Variants in HLA-DQA1 observed in about 807,000 individuals in gnomAD.
HLA-DQA1 encodes the protein HLA class II histocompatibility antigen, DQ alpha 1 chain.
A neutral mutation model predicts 20.7 loss-of-function variants in HLA-DQA1; 10 were observed. The ratio of observed to expected loss-of-function variants is 0.48; its 90% confidence interval spans 0.30 to 0.82. The LOEUF is 0.82. Ranked by LOEUF, HLA-DQA1 falls within the 40% of genes least tolerant of loss-of-function variation. The pLI is 0.07. For missense variants in HLA-DQA1, 127 were observed against 293.0 expected, an observed-to-expected ratio of 0.43 and a Z score of 4.14; for synonymous variants, 39 against 109.2, an observed-to-expected ratio of 0.36 and a Z score of 4.01.
At chr6:32,654,409 T>C in the HLA-DQA1 span, among the ~76,000 whole-genome samples, 37,812 of 92,720 alleles carry the variant, frequency 0.41, 9,480 homozygotes, top group Middle Eastern at 0.59. Context: ...TCAGCATCCA[T>C]GAGAGATTGG....
At chr6:32,640,557 GAAAAA>G (rs75874670) in intron 1 of HLA-DQA1, among the ~76,000 whole-genome samples, 3,971 of 71,222 alleles carry the variant, frequency 0.056, 494 homozygotes, top group East Asian at 0.18. Context: ...TCCTTCACAG[GAAAAA>G]AAAAAAAAAG....
downstream of HLA-DQA1, among the ~76,000 whole-genome samples, chr6:32,647,707 A>T (rs1162161086): frequency 6.6e-6 from 1 of 152,170 alleles, no homozygotes; most frequent in Non-Finnish European, 1.5e-5. Flanking sequence ...TGCAACTCTA[A>T]AGAATGTGTA....
chr6:32,652,710 T>G, the HLA-DQA1 span, among the ~76,000 whole-genome samples: 58,362 of 135,102 alleles, frequency 0.43, 13,654 homozygotes, highest in Middle Eastern at 0.53. Flanking sequence ...AAGCATAAAG[T>G]GGAGGGGAAA....
At chr6:32,654,582 A>G in the HLA-DQA1 span, among the ~76,000 whole-genome samples, 62,425 of 92,116 alleles carry the variant, frequency 0.68, 28,023 homozygotes, top group Middle Eastern at 0.78. Context: ...GTAAATAGTT[A>G]TTATACTGTA....
the HLA-DQA1 span, among the ~76,000 whole-genome samples, chr6:32,655,214 G>A: frequency 0.017 from 2,213 of 130,728 alleles, 170 homozygotes; most frequent in South Asian, 0.18. Context: ...AAATTTTTTC[G>A]AAGTGTAACA....
chr6:32,641,202 A>AG (rs200939493), intron 1 of HLA-DQA1, 108 bp from the exon 2 acceptor site: 106,122 of 727,922 alleles, frequency 0.15, 27,011 homozygotes, highest in Admixed American at 0.28. Flanking sequence ...ACTGTGCCAA[A>AG]AAATGAAGCC....
rs115976249 is a variant in HLA-DQA1 at position 32,640,236 on chromosome 6, G to C, written c.83-1074G>C. ...GAACTTACTACAGTACATTGTATCT[G>C]TTCCCTTACCTACCTGACTCTTCCA... On this transcript the variant is annotated intron_variant, in intron 1 of 4. Transcript: ENST00000343139. 4.1e-5 allele frequency among the ~76,000 whole-genome samples: 4 copies of C among 97,626 alleles called. 2 individuals are homozygous for C. 64.0% of individuals were successfully genotyped at this position (97,626 alleles called of 152,430 possible).
chr6:32,642,424 T>A (rs116022266), intron 3 of HLA-DQA1, 171 bp downstream of exon 3: 71,255 of 513,382 alleles, frequency 0.14, 21,354 homozygotes, highest in Admixed American at 0.25. Flanking sequence ...TTATTGAAAA[T>A]GAAAGTACAC....
downstream of HLA-DQA1, among the ~76,000 whole-genome samples, chr6:32,651,076 G>A (rs1389258266): frequency 2.4e-5 from 2 of 82,154 alleles, 1 homozygote; most frequent in Non-Finnish European, 5.2e-5. Flanking sequence ...TTTTAGTAGA[G>A]ACGGGGTTTC....
chr6:32,641,809 A>G (rs28383460), intron 2 of HLA-DQA1, among the ~76,000 whole-genome samples, 163 bp from the exon 3 acceptor site: 9,474 of 100,706 alleles, frequency 0.094, 906 homozygotes, highest in South Asian at 0.12. Flanking sequence ...GGGCACAGGA[A>G]TAAAGCAGAG....
At chr6:32,638,033 G>T in intron 1 of HLA-DQA1, among the ~76,000 whole-genome samples, 1 of 129,666 alleles carries the variant, frequency 7.7e-6, no homozygotes, top group African/African-American at 2.9e-5. Context: ...ATGGGAACTG[G>T]CACAGGTGGG....
At chr6:32,638,719 A>AGAAG in intron 1 of HLA-DQA1, among the ~76,000 whole-genome samples, 1 of 60,050 alleles carries the variant, frequency 1.7e-5, no homozygotes, top group South Asian at 4.7e-4. Flanking sequence ...GGAAGGAAGG[A>AGAAG]GAAGGAAGGA....
chr6:32,649,252 T>G (rs1782092039), downstream of HLA-DQA1, among the ~76,000 whole-genome samples: 1 of 97,378 alleles, frequency 1.0e-5, no homozygotes, highest in Non-Finnish European at 2.3e-5. Context: ...AAGCTACCAG[T>G]GACTTTCTTC....
rs9272426 is a variant in HLA-DQA1 at position 32,637,412 on chromosome 6, A to G, written c.-47A>G. 0.056 allele frequency: 42,833 copies of G among 771,592 alleles called. 4,612 individuals carry two copies. The highest frequency in any genetic ancestry group is 0.15 in the Admixed American group (3,657 of 24,526). The allele number at this position is 771,592 out of a possible 1,614,324, so 47.8% of individuals were successfully genotyped here. On this transcript the variant is annotated 5_prime_UTR_variant, in exon 1 of 5. Transcript: ENST00000343139. Reference sequence around the variant, plus strand: ...TCCTTGTCTTGAGGTCCTCACAATTACTCTACAGCTCAGAACACCAACTGC... The same window carrying G: ...TCCTTGTCTTGAGGTCCTCACAATTGCTCTACAGCTCAGAACACCAACTGC...
rs142591955 is a variant in HLA-DQA1, at chr6:32,641,546, G to A, written c.319G>A (p.Ala107Thr). The change falls in exon 2 of 5, where the codon GCT becomes ACT. Residue 107 changes from alanine (A) to threonine (T), a missense_variant. Ala to Thr is a moderately conservative substitution (Grantham distance 58). This residue lies in a region of HLA-DQA1 where 30 missense variants were observed against 39.9 expected (regional missense o/e 0.75). Transcript: ENST00000343139. ...CATGATTAAACGCTACAACTCTACC[G>A]CTGCTACCAATGGTATGCGTCCACC... ...NIMIKRYNSTAATNEVPEVTV... is the reference protein window; with the variant it reads ...NIMIKRYNSTTATNEVPEVTV... The A allele has an allele frequency of 1.6e-3, 1,625 of 1,025,498 alleles. 595 individuals carry two copies. Among genetic ancestry groups the A allele is most frequent in the Admixed American group, 4.0e-3 (110 of 27,230 alleles). 63.5% of individuals were successfully genotyped at this position (1,025,498 alleles called of 1,614,324 possible). A position where few individuals can be genotyped will look rare whatever the true frequency, so the allele number is the denominator to read the frequency against.
the HLA-DQA1 span, among the ~76,000 whole-genome samples, chr6:32,652,978 G>A: frequency 1.3e-5 from 2 of 149,638 alleles, no homozygotes; most frequent in South Asian, 2.2e-4. Flanking sequence ...TAGGGAAAGG[G>A]TTTAGGACAT....
chr6:32,647,186 A>AAAGTTTTTCAAAAAATGCATTCG (rs1226367677), downstream of HLA-DQA1: 2 of 71,280 alleles, frequency 2.8e-5, no homozygotes, highest in Non-Finnish European at 6.4e-5. Context: ...CATGGTACTC[A>AAAGTTTTTCAAAAAATGCATTCG]GCCAGGCGCG....
At chr6:32,644,096 T>C (rs9273033), downstream of HLA-DQA1, 85,738 of 151,104 alleles carry the variant, frequency 0.57, 24,577 homozygotes, top group Middle Eastern at 0.7. Flanking sequence ...AAGGAAAGCA[T>C]GAGCTTATGA....
At chr6:32,646,867 A>AAGACAGACC (rs1781961593), downstream of HLA-DQA1, 1 of 69,908 alleles carries the variant, frequency 1.4e-5, no homozygotes, top group Admixed American at 1.8e-4. Context: ...CAACAATTCA[A>AAGACAGACC]GAGAGAGAGA....
Sources: allele counts gnomAD v4.1 joint callset (sites outside exome capture counted in the v4.1 genomes callset), GRCh38; gene constraint gnomAD v4.1.1; regional missense constraint gnomAD v4.1.1; transcripts MANE v1.5; gene names NCBI Gene and HGNC (gene_info 2026-07-23, HGNC 2026-07-21).